Variants in CTNND2 observed in about 807,000 individuals in gnomAD.
CTNND2 encodes catenin delta 2, also known as catenin delta-2.
Under a neutral mutation model 144.4 loss-of-function variants are expected in CTNND2, and 22 were observed. The observed-to-expected ratio is 0.15, with a 90% CI of 0.11 to 0.22. The LOEUF is 0.22. Among genes scored for constraint, CTNND2 ranks in the 10% least tolerant of loss-of-function variants. CTNND2 has a pLI of 1.00. For missense variants in CTNND2, 1,353 were observed against 1,618.8 expected, an observed-to-expected ratio of 0.84 and a Z score of 2.82; for synonymous variants, 751 against 695.6, an observed-to-expected ratio of 1.08 and a Z score of -1.25.
At chr5:11,730,629 A>T (rs1787335901) in intron 2 of CTNND2, among the ~76,000 whole-genome samples, 1 of 152,216 alleles carries the variant, frequency 6.6e-6, no homozygotes. Flanking sequence ...CAGTTTGCCA[A>T]AGAAACAAAC....
intron 8 of CTNND2, among the ~76,000 whole-genome samples, chr5:11,356,490 T>C (rs544644047): frequency 3.0e-4 from 45 of 152,048 alleles, no homozygotes; most frequent in African/African-American, 1.0e-3. Flanking sequence ...AAAACTGATA[T>C]CCACATGCAG....
chr5:11,111,347 C>T (rs1304594571), intron 13 of CTNND2, among the ~76,000 whole-genome samples: 1 of 152,168 alleles, frequency 6.6e-6, no homozygotes. Context: ...ACGAGAGATC[C>T]CAAATATCAT....
chr5:11,882,147 T>C lies in CTNND2; in HGVS notation c.37+21670A>G, dbSNP rs567150337. Reference sequence around the variant, plus strand: ...TGCCAGATGGATAGTTTGCAAATATTTTCTTCCATTCTGTATACTGTCTCT... The same window carrying C: ...TGCCAGATGGATAGTTTGCAAATATCTTCTTCCATTCTGTATACTGTCTCT... On this transcript the variant is annotated intron_variant, in intron 1 of 21. Coordinates refer to ENST00000304623, the MANE Select transcript of CTNND2 (RefSeq NM_001332.4). 3.3e-5 allele frequency among the ~76,000 whole-genome samples: 5 copies of C among 152,214 alleles called. No individual in the cohort carries two copies. In the South Asian group the frequency reaches 1.0e-3, roughly 32 times the overall value.
chr5:11,411,768 T>C (rs1310071191), intron 4 of CTNND2, 116 bp from the exon 5 acceptor site: 22 of 744,970 alleles, frequency 3.0e-5, no homozygotes, highest in Non-Finnish European at 2.6e-5. Context: ...TCTATGAAGT[T>C]TTCATTAGCT....
chr5:11,683,489 G>A (rs946877900), intron 2 of CTNND2, among the ~76,000 whole-genome samples: 8 of 152,050 alleles, frequency 5.3e-5, no homozygotes, highest in African/African-American at 1.2e-4. Flanking sequence ...TTCTTTTTCC[G>A]AAATACAAAT....
intron 7 of CTNND2, among the ~76,000 whole-genome samples, chr5:11,367,031 A>C (rs1757044754): frequency 6.6e-6 from 1 of 152,226 alleles, no homozygotes; most frequent in East Asian, 1.9e-4. Context: ...GAATATAATA[A>C]TCAAATTAAC....
intron 1 of CTNND2, among the ~76,000 whole-genome samples, chr5:11,769,230 GAA>G (rs1561780514): frequency 6.6e-6 from 1 of 152,152 alleles, no homozygotes; most frequent in African/African-American, 2.4e-5. Flanking sequence ...CAGTGAGGCT[GAA>G]TCTCCAGAGG....
chr5:11,194,371 T>C lies in CTNND2; in HGVS notation c.1975+5077A>G, dbSNP rs556774392. 8.5e-5 allele frequency among the ~76,000 whole-genome samples: 13 copies of C among 152,318 alleles called. 1 individual carries two copies. The highest frequency in any genetic ancestry group is 2.9e-4 in the African/African-American group (12 of 41,562). On this transcript the variant is annotated intron_variant, in intron 11 of 21. Coordinates refer to ENST00000304623, the MANE Select transcript of CTNND2 (RefSeq NM_001332.4). The stretch of plus-strand genomic sequence containing the variant: ...GAATACCCAGCAGACAGGAAAGTAC[T>C]GTCCCCTTCCTCCAGGCCAACAAAC...
intron 9 of CTNND2, among the ~76,000 whole-genome samples, chr5:11,340,138 C>T (rs1372377313): frequency 6.6e-6 from 1 of 152,176 alleles, no homozygotes. Context: ...TAACTGTCCT[C>T]TTTACCTGGA....
At chr5:11,195,649 C>T (rs1030650897) in intron 11 of CTNND2, among the ~76,000 whole-genome samples, 4 of 152,208 alleles carry the variant, frequency 2.6e-5, no homozygotes, top group South Asian at 4.1e-4. Flanking sequence ...TCTCAAGACA[C>T]GTGCTTTCAC....
At chr5:11,612,763 G>T (rs1331124749) in intron 2 of CTNND2, among the ~76,000 whole-genome samples, 1 of 152,048 alleles carries the variant, frequency 6.6e-6, no homozygotes, top group Non-Finnish European at 1.5e-5. Flanking sequence ...AGTCAAGTGT[G>T]GGAGTGCATG....
chr5:11,396,181 C>G (rs1760111631), intron 6 of CTNND2, among the ~76,000 whole-genome samples: 1 of 152,024 alleles, frequency 6.6e-6, no homozygotes, highest in South Asian at 2.1e-4. Context: ...GTTCTTCATT[C>G]CAGAAGCAAA....
intron 16 of CTNND2, among the ~76,000 whole-genome samples, chr5:11,072,086 A>G (rs1220515498): frequency 6.6e-6 from 1 of 152,340 alleles, no homozygotes; most frequent in East Asian, 1.9e-4. Flanking sequence ...GGTAATAGTC[A>G]ATTAAAATGT....
chr5:11,647,217 C>T (rs1024763296), intron 2 of CTNND2, among the ~76,000 whole-genome samples: 1 of 152,120 alleles, frequency 6.6e-6, no homozygotes, highest in African/African-American at 2.4e-5. Context: ...CACTGCCCCA[C>T]CCCAATTCTT....
intron 16 of CTNND2, among the ~76,000 whole-genome samples, chr5:11,076,661 C>T (rs1261942812): frequency 6.6e-6 from 1 of 152,186 alleles, no homozygotes; most frequent in Admixed American, 6.5e-5. Context: ...ACTATGGAAA[C>T]AACCCAAATG....
At chr5:11,291,702 C>T (rs1457824343) in intron 9 of CTNND2, among the ~76,000 whole-genome samples, 5 of 152,158 alleles carry the variant, frequency 3.3e-5, no homozygotes, top group Admixed American at 1.3e-4. Flanking sequence ...CCAAACGTAT[C>T]TCTAGCTTTA....
chr5:11,894,406 A>C (rs2126310877), intron 1 of CTNND2, among the ~76,000 whole-genome samples: 1 of 152,358 alleles, frequency 6.6e-6, no homozygotes, highest in East Asian at 1.9e-4. Context: ...GGATGGATAA[A>C]GGAGAATTCT....
At chr5:11,181,010 G>A (rs1288093627) in intron 11 of CTNND2, among the ~76,000 whole-genome samples, 1 of 152,174 alleles carries the variant, frequency 6.6e-6, no homozygotes, top group African/African-American at 2.4e-5. Flanking sequence ...CTTGAGGTCT[G>A]GGATGTGTTT....
At chr5:11,613,452 A>G (rs1780429736) in intron 2 of CTNND2, among the ~76,000 whole-genome samples, 1 of 152,200 alleles carries the variant, frequency 6.6e-6, no homozygotes. Flanking sequence ...AAGAACCATC[A>G]TTTTATGGTA....
Sources: gnomAD v4.1 joint callset for allele counts (sites outside exome capture counted in the v4.1 genomes callset) on GRCh38, gnomAD v4.1.1 for gene constraint, MANE v1.5 for transcripts, NCBI Gene and HGNC (gene_info 2026-07-23, HGNC 2026-07-21) for gene names.